TYW1: variants seen among roughly 807,000 people sequenced by gnomAD.
TYW1 encodes the protein tRNA-yW synthesizing protein 1 homolog, also known as S-adenosyl-L-methionine-dependent tRNA 4-demethylwyosine synthase TYW1.
A neutral mutation model predicts 96.2 loss-of-function variants in TYW1; 46 were observed. The ratio of observed to expected loss-of-function variants is 0.48; its 90% CI spans 0.38 to 0.61. The LOEUF (loss-of-function observed/expected upper bound fraction) is 0.61, where lower values mean the gene tolerates loss of function less well. Among genes scored for constraint, TYW1 ranks in the 20% least tolerant of loss-of-function variants. The pLI is 0.00. For synonymous variants in TYW1, 274 were observed against 323.0 expected (o/e 0.85, Z 1.63); for missense variants, 684 against 909.6 (o/e 0.75, Z 3.19).
chr7:67,174,148 T>C (rs890343688), intron 13 of TYW1, among the ~76,000 whole-genome samples: 7 of 151,082 alleles, frequency 4.6e-5, no homozygotes, highest in African/African-American at 1.7e-4. Flanking sequence ...CCTTCCCCTA[T>C]GCTCTTGGGA....
chr7:67,164,596 G>A (rs1380530274), intron 13 of TYW1, among the ~76,000 whole-genome samples: 2 of 139,144 alleles, frequency 1.4e-5, no homozygotes, highest in Non-Finnish European at 3.0e-5. Context: ...GGGCAACAGA[G>A]CAAAACTGTC....
chr7:67,239,192 C>G lies in TYW1; in HGVS notation c.*663C>G. ...ACAGACCGCAGTACCGGGGCTGGAG[C>G]GGAGTGAAGCTGTCTGCTGTAAGAG... On this transcript the variant is annotated 3_prime_UTR_variant, in exon 16 of 16. Coordinates refer to ENST00000359626, the MANE Select transcript of TYW1 (RefSeq NM_018264.4). 1 of 985,356 alleles carries G rather than the reference C, an allele frequency of 1.0e-6. No individual in the cohort carries two copies. The highest frequency in any genetic ancestry group is 1.1e-4 in the East Asian group (1 of 8,804). 61.0% of individuals were successfully genotyped at this position (985,356 alleles called of 1,614,324 possible).
intron 10 of TYW1, among the ~76,000 whole-genome samples, chr7:67,073,976 G>GGAGGCT (rs1796125639): frequency 6.6e-6 from 1 of 150,818 alleles, no homozygotes; most frequent in Non-Finnish European, 1.5e-5. Flanking sequence ...CAGCTACTCG[G>GGAGGCT]GAGGCTGAGG....
intron 13 of TYW1, among the ~76,000 whole-genome samples, chr7:67,172,828 AAAAC>A (rs1364914321): frequency 6.6e-6 from 1 of 152,044 alleles, no homozygotes; most frequent in Non-Finnish European, 1.5e-5. Flanking sequence ...GACTTTTTAA[AAAAC>A]AAACAAGCTG....
At chr7:67,111,056 T>C (rs936702805) in intron 12 of TYW1, among the ~76,000 whole-genome samples, 11 of 151,956 alleles carry the variant, frequency 7.2e-5, no homozygotes, top group African/African-American at 2.2e-4. Flanking sequence ...CGACAAGATA[T>C]ACAAAGAAAC....
At chr7:67,041,389 C>T (rs548694462) in intron 7 of TYW1, among the ~76,000 whole-genome samples, 3 of 152,144 alleles carry the variant, frequency 2.0e-5, no homozygotes, top group East Asian at 3.9e-4. Context: ...TGGCAGCCCC[C>T]GCCTCCCGGG....
Position 67,086,598 on chromosome 7 carries a change from A to G in TYW1, c.1384+3059A>G, listed in dbSNP as rs561864628. ...TGACTGGGAGGTTGGAGACTCAGGG[A>G]AGAGTGGGAGTTCAAGTTCAAAGGC... On this transcript the variant is annotated intron_variant, in intron 11 of 15. Transcript: ENST00000359626. 3.3e-5 allele frequency among the ~76,000 whole-genome samples: 5 copies of G among 152,202 alleles called. No individual in the cohort carries two copies. In the East Asian group the frequency reaches 9.7e-4, roughly 29 times the overall value.
rs115393934 is a variant in TYW1 at position 67,186,829 on chromosome 7, A to C, written c.1809+3593A>C. On this transcript the variant is annotated intron_variant, in intron 14 of 15. Coordinates refer to ENST00000359626, the MANE Select transcript of TYW1 (RefSeq NM_018264.4). ...CTATTAACAACAAAGTTTTCTTTCA[A>C]AATTTCCATTTTACTATTTTGTCCT... 3.0e-3 allele frequency among the ~76,000 whole-genome samples: 459 copies of C among 152,172 alleles called. 2 individuals are homozygous for C. The highest frequency in any genetic ancestry group is 0.011 in the African/African-American group (441 of 41,506).
At chr7:67,077,765 T>C (rs1239682508) in intron 10 of TYW1, among the ~76,000 whole-genome samples, 1 of 152,230 alleles carries the variant, frequency 6.6e-6, no homozygotes, top group Non-Finnish European at 1.5e-5. Flanking sequence ...TATTTATTTG[T>C]TTTTACTTTT....
In TYW1 at chr7:67,195,184, C is replaced by T. The variant is rs140763959; in HGVS notation, c.1824C>T (p.Cys608=). 279 of 1,613,856 alleles carry T rather than the reference C, an allele frequency of 1.7e-4. No homozygotes were observed. The highest frequency in any genetic ancestry group is 1.3e-3 in the African/African-American group (100 of 74,874). ...DFIEVKGVTY[C]GESSASSLTM... is the part of the protein sequence containing the mutation. ...TGTTTCCACAGGGCGTTACCTACTG[C>T]GGAGAAAGTTCAGCAAGCAGTCTTA... Residue 608 remains cysteine (C), a synonymous_variant, in exon 15 of 16, where the codon TGC becomes TGT. Transcript: ENST00000359626.
intron 8 of TYW1, among the ~76,000 whole-genome samples, chr7:67,052,489 A>G (rs1179262320): frequency 6.6e-6 from 1 of 152,126 alleles, no homozygotes; most frequent in African/African-American, 2.4e-5. Context: ...TTTCATTTCT[A>G]GAAGTTCAGT....
intron 11 of TYW1, among the ~76,000 whole-genome samples, chr7:67,091,340 C>T (rs1415721762): frequency 2.1e-5 from 3 of 146,086 alleles, no homozygotes; most frequent in Non-Finnish European, 4.4e-5. Flanking sequence ...TGCATGTTCT[C>T]ACTCATAGGT....
At chr7:67,115,080 A>G (rs6460319) in intron 12 of TYW1, among the ~76,000 whole-genome samples, 41,495 of 151,918 alleles carry the variant, frequency 0.27, 6,430 homozygotes, top group African/African-American at 0.43. Flanking sequence ...AGAGGTTTGT[A>G]AAAGGAGTAT....
chr7:67,101,525 T>C (rs1227454265), intron 12 of TYW1, among the ~76,000 whole-genome samples: 1 of 152,154 alleles, frequency 6.6e-6, no homozygotes, highest in African/African-American at 2.4e-5. Flanking sequence ...TATTTATTTA[T>C]TTATTTTTGA....
At chr7:67,139,740 T>G (rs1026700767) in intron 13 of TYW1, among the ~76,000 whole-genome samples, 1 of 150,690 alleles carries the variant, frequency 6.6e-6, no homozygotes, top group African/African-American at 2.4e-5. Flanking sequence ...TGTGTGTGTG[T>G]GTGTGTGTGT....
At chr7:67,205,395 G>T (rs542728648) in intron 15 of TYW1, among the ~76,000 whole-genome samples, 35 of 151,908 alleles carry the variant, frequency 2.3e-4, no homozygotes, top group African/African-American at 6.0e-4. Flanking sequence ...GCGGGGGGGG[G>T]GCCTTATTGC....
intron 6 of TYW1, among the ~76,000 whole-genome samples, chr7:67,021,433 C>G (rs961458619): frequency 6.6e-6 from 1 of 152,280 alleles, no homozygotes; most frequent in Non-Finnish European, 1.5e-5. Context: ...CTTTGCCCAT[C>G]CCCTTCCAAC....
chr7:67,083,576 T>C, intron 11 of TYW1, 37 bp downstream of exon 11: 1 of 1,604,720 alleles, frequency 6.2e-7, no homozygotes, highest in Non-Finnish European at 8.5e-7. Flanking sequence ...TGCTAATACC[T>C]GTTAATAGTC....
intron 11 of TYW1, among the ~76,000 whole-genome samples, chr7:67,087,986 C>T (rs554411564): frequency 6.6e-6 from 1 of 152,220 alleles, no homozygotes; most frequent in East Asian, 1.9e-4. Context: ...ACCTCAGCCT[C>T]CCAAGTAGCC....
Sources: gnomAD v4.1 joint callset for allele counts (sites outside exome capture counted in the v4.1 genomes callset) on GRCh38, gnomAD v4.1.1 for gene constraint, MANE v1.5 for transcripts, NCBI Gene and HGNC (gene_info 2026-07-23, HGNC 2026-07-21) for gene names.